Variants in STK39 observed in about 807,000 individuals in gnomAD.
The protein encoded by STK39 is STE20/SPS1-related proline-alanine-rich protein kinase.
Under a neutral mutation model 77.8 loss-of-function variants are expected in STK39, and 20 were observed. That is an observed-to-expected ratio of 0.26 (90% CI 0.18 to 0.37). The LOEUF (loss-of-function observed/expected upper bound fraction) is 0.37. Among genes scored for constraint, STK39 ranks in the 10% least tolerant of loss-of-function variants. The pLI, the probability that STK39 is intolerant of heterozygous loss-of-function variation, is 1.00. For missense variants in STK39, 479 were observed against 656.5 expected, an observed-to-expected ratio of 0.73 and a Z score of 2.95; for synonymous variants, 246 against 234.1, an observed-to-expected ratio of 1.05 and a Z score of -0.47.
intron 10 of STK39, among the ~76,000 whole-genome samples, chr2:168,092,740 G>T (rs868172029): frequency 6.6e-6 from 1 of 152,064 alleles, no homozygotes; most frequent in Admixed American, 6.5e-5. Flanking sequence ...AGTAAAACTA[G>T]GTATATTTGA....
chr2:167,996,394 A>G (rs1458910056), intron 16 of STK39, among the ~76,000 whole-genome samples: 1 of 152,212 alleles, frequency 6.6e-6, no homozygotes, highest in Admixed American at 6.5e-5. Context: ...TCAGTTTATT[A>G]AATGACACCA....
chr2:167,955,528 G>T lies in STK39; in HGVS notation c.1606C>A (p.Leu536Met). ...DGSEIPDEVKLIGFAQLSVS is the reference protein window; with the variant it reads ...DGSEIPDEVKMIGFAQLSVS ...ACACTCAACTGAGCAAACCCAATCA[G>T]CTTCACTTCATCAGGAATCTCCGAC... Residue 536 changes from leucine (L) to methionine (M), a missense_variant, in exon 18 of 18, where the codon CTG (leucine) becomes ATG (methionine). Physicochemically the swap from Leu to Met is conservative, Grantham distance 15. Transcript: ENST00000355999. The T allele has an allele frequency of 6.2e-7, 1 of 1,613,948 alleles. No homozygotes were observed. The highest frequency in any genetic ancestry group is 8.5e-7 in the Non-Finnish European group (1 of 1,179,938).
chr2:168,061,163 C>T (rs1329977111), intron 14 of STK39, among the ~76,000 whole-genome samples: 1 of 151,028 alleles, frequency 6.6e-6, no homozygotes, highest in Non-Finnish European at 1.5e-5. Flanking sequence ...TCATGCTGAA[C>T]ATGTCACCCA....
At chr2:168,082,196 C>T (rs901417297) in intron 10 of STK39, among the ~76,000 whole-genome samples, 13 of 152,140 alleles carry the variant, frequency 8.5e-5, no homozygotes, top group Admixed American at 1.3e-4. Context: ...TATAGCCAGG[C>T]CCTGCCTCCT....
At chr2:168,242,471 C>G (rs1690782992) in intron 1 of STK39, among the ~76,000 whole-genome samples, 1 of 147,530 alleles carries the variant, frequency 6.8e-6, no homozygotes, top group Admixed American at 6.9e-5. Context: ...ACTGCTTGGA[C>G]CTAGGAGGCA....
intron 10 of STK39, among the ~76,000 whole-genome samples, chr2:168,118,148 T>TGGA (rs1450265437): frequency 1.4e-4 from 21 of 151,828 alleles, no homozygotes; most frequent in African/African-American, 4.8e-4. Flanking sequence ...CATGGACAGA[T>TGGA]GGAGGAGGAG....
intron 12 of STK39, 106 bp downstream of exon 12, chr2:168,074,875 CT>C: frequency 7.5e-7 from 1 of 1,339,664 alleles, no homozygotes; most frequent in Admixed American, 2.4e-5. Flanking sequence ...TTTCCTTTTT[CT>C]TTCTACTCCA....
chr2:168,044,358 T>C (rs1212329935), intron 14 of STK39, among the ~76,000 whole-genome samples: 1 of 152,208 alleles, frequency 6.6e-6, no homozygotes, highest in Non-Finnish European at 1.5e-5. Flanking sequence ...AATATGCAAC[T>C]TGAAGTCCAA....
At chr2:168,213,691 A>T (rs1029336350) in intron 1 of STK39, among the ~76,000 whole-genome samples, 922 of 68,390 alleles carry the variant, frequency 0.013, 9 homozygotes, top group African/African-American at 0.073. Flanking sequence ...GCCATATTTA[A>T]AAAAAAAAAA....
intron 16 of STK39, among the ~76,000 whole-genome samples, chr2:167,985,741 TAATA>T (rs1237364179): frequency 1.3e-5 from 2 of 152,178 alleles, no homozygotes; most frequent in Admixed American, 6.6e-5. Flanking sequence ...TAGTAAATAA[TAATA>T]AATATTAATT....
At chr2:168,236,221 T>C (rs1245213289) in intron 1 of STK39, among the ~76,000 whole-genome samples, 2 of 152,250 alleles carry the variant, frequency 1.3e-5, no homozygotes, top group African/African-American at 2.4e-5. Context: ...ATGAGCATTT[T>C]TTCATGTGTC....
rs1166402916 is a variant in STK39 at position 167,955,265 on chromosome 2, TGTTC to T, written c.*227_*230del. ...CAGTCGTGCAGCTGTGGCATTTGCT[TGTTC>T]TTGTACTGTGGATTGCTAGAGAATA... is the stretch of plus-strand genomic sequence containing the variant. On this transcript the variant is annotated 3_prime_UTR_variant, in exon 18 of 18. Coordinates refer to ENST00000355999, the MANE Select transcript of STK39 (RefSeq NM_013233.3). 3 of 362,742 alleles carry T rather than the reference TGTTC, an allele frequency of 8.3e-6. No homozygotes were observed. The allele number at this position is 362,742 out of a possible 1,614,324, so 22.5% of individuals were successfully genotyped here.
At chr2:168,219,592 G>T (rs962893424) in intron 1 of STK39, among the ~76,000 whole-genome samples, 5 of 152,076 alleles carry the variant, frequency 3.3e-5, no homozygotes, top group Non-Finnish European at 1.5e-5. Flanking sequence ...TAAAGAAAAA[G>T]AAAACATATC....
intron 10 of STK39, among the ~76,000 whole-genome samples, chr2:168,082,838 C>A (rs189517887): frequency 6.6e-6 from 1 of 152,156 alleles, no homozygotes; most frequent in Non-Finnish European, 1.5e-5. Context: ...CACCCCTAAC[C>A]CATTTGTTAA....
chr2:168,241,571 C>A (rs1690759168), intron 1 of STK39, among the ~76,000 whole-genome samples: 1 of 152,226 alleles, frequency 6.6e-6, no homozygotes, highest in Non-Finnish European at 1.5e-5. Context: ...TCCCCAGGGG[C>A]CTCTCCCCTT....
intron 16 of STK39, among the ~76,000 whole-genome samples, chr2:168,001,283 A>AAAC (rs1179354572): frequency 6.6e-6 from 1 of 151,852 alleles, no homozygotes. Flanking sequence ...AAAAAAAAAA[A>AAAC]AACAACAACA....
intron 10 of STK39, among the ~76,000 whole-genome samples, chr2:168,096,360 C>A (rs1035722037): frequency 2.6e-4 from 40 of 152,202 alleles, no homozygotes; most frequent in Admixed American, 2.6e-3. Context: ...CATGACTTAA[C>A]CACGAAGTCT....
In STK39 at chr2:168,018,550, G is replaced by GAAAGAAAGAA. The variant is rs767078521; in HGVS notation, c.1377-1465_1377-1456dup. Among the ~76,000 whole-genome samples, 19 of 127,856 alleles carry GAAAGAAAGAA rather than the reference G, an allele frequency of 1.5e-4. No individual in the cohort carries two copies. The East Asian group carries it at 3.2e-3, about 21-fold the overall frequency. 83.9% of individuals were successfully genotyped at this position (127,856 alleles called of 152,430 possible). On this transcript the variant is annotated intron_variant, in intron 14 of 17. Transcript: ENST00000355999. ...AAAGAAAAGAAAGAAAAGAAAGAAAGAAAGAAAGAAAGAAAGAAAGAAAGA... is the reference window on the plus strand; with the variant it reads ...AAAGAAAAGAAAGAAAAGAAAGAAAGAAAGAAAGAAAAAGAAAGAAAGAAAGAAAGAAAGA...
chr2:168,152,176 T>C (rs1308177988), intron 5 of STK39, among the ~76,000 whole-genome samples: 2 of 152,234 alleles, frequency 1.3e-5, no homozygotes, highest in East Asian at 3.8e-4. Flanking sequence ...TTAAATAAGA[T>C]AATTACACTG....
Sources: gnomAD v4.1 joint callset for allele counts (sites outside exome capture counted in the v4.1 genomes callset) on GRCh38, gnomAD v4.1.1 for gene constraint, MANE v1.5 for transcripts, NCBI Gene and HGNC (gene_info 2026-07-23, HGNC 2026-07-21) for gene names.